MARF1: variants seen among roughly 807,000 people sequenced by gnomAD.
The protein encoded by MARF1 is meiosis regulator and mRNA stability factor 1.
In MARF1, 24 loss-of-function variants were observed where a neutral mutation model predicts 168.2. The ratio of observed to expected loss-of-function variants is 0.14; its 90% CI spans 0.10 to 0.20. The LOEUF is 0.20. Ranked by LOEUF, MARF1 falls within the 10% of genes least tolerant of loss-of-function variation. The probability of loss-of-function intolerance (pLI) is 1.00; values close to 1 mark genes in which losing one functional copy is unlikely to be tolerated. For missense variants in MARF1, 1,744 were observed against 2,143.6 expected (o/e 0.81, Z 3.68); for synonymous variants, 868 against 822.4 (o/e 1.06, Z -0.95).
intron 7 of MARF1, among the ~76,000 whole-genome samples, chr16:15,627,183 C>A (rs901722382): frequency 5.9e-5 from 9 of 151,298 alleles, no homozygotes; most frequent in African/African-American, 2.2e-4. Flanking sequence ...GAGACCCCAT[C>A]TCTATTAAAA....
intron 6 of MARF1, 118 bp downstream of exon 6, chr16:15,631,263 A>G: frequency 1.5e-6 from 1 of 657,308 alleles, no homozygotes. Flanking sequence ...AACCATAAAC[A>G]TGTCTCATGT....
chr16:15,615,485 C>T (rs979937942), intron 16 of MARF1, among the ~76,000 whole-genome samples: 1 of 151,934 alleles, frequency 6.6e-6, no homozygotes, highest in African/African-American at 2.4e-5. Flanking sequence ...ATTAGCTGGG[C>T]GTGGTGGCTG....
intron 15 of MARF1, 73 bp from the exon 16 acceptor site, chr16:15,616,078 AG>A: frequency 7.9e-7 from 1 of 1,268,786 alleles, no homozygotes; most frequent in Admixed American, 2.8e-5. Context: ...CTTGCTAAAC[AG>A]AAGGCTTTGG....
chr16:15,629,436 G>A (rs2035099236), intron 7 of MARF1, among the ~76,000 whole-genome samples: 1 of 152,212 alleles, frequency 6.6e-6, no homozygotes, highest in Admixed American at 6.5e-5. Context: ...GATACCCGGG[G>A]CCCACTCTCT....
intron 26 of MARF1, among the ~76,000 whole-genome samples, chr16:15,598,083 A>C (rs2031942196): frequency 6.6e-6 from 1 of 152,150 alleles, no homozygotes; most frequent in Non-Finnish European, 1.5e-5. Context: ...CAACAGATGA[A>C]GAGCAGGGAG....
intron 21 of MARF1, among the ~76,000 whole-genome samples, chr16:15,607,895 G>C (rs2033150376): frequency 1.3e-5 from 2 of 152,206 alleles, no homozygotes; most frequent in Non-Finnish European, 2.9e-5. Context: ...AGAATGTGGA[G>C]GGAGAGGACA....
At chr16:15,601,816 A>T (rs573532665) in intron 23 of MARF1, 175 bp downstream of exon 23, 2 of 638,620 alleles carry the variant, frequency 3.1e-6, no homozygotes, top group South Asian at 3.8e-5. Context: ...GTTTACAGAA[A>T]GAATCAAGGA....
chr16:15,633,507 C>T, intron 5 of MARF1, 110 bp downstream of exon 5: 1 of 804,984 alleles, frequency 1.2e-6, no homozygotes, highest in Non-Finnish European at 1.9e-6. Context: ...GAATGCGTCA[C>T]TGCACTCCAG....
chr16:15,643,070 C>T lies in MARF1; in HGVS notation c.-111G>A, dbSNP rs1649913061. Reference sequence around the variant, plus strand: ...CATTCCGGCCCCGCCGCCTTCCCCCCGCCCCCCCCAGGCCCTTTGTTTTGA... The same window carrying T: ...CATTCCGGCCCCGCCGCCTTCCCCCTGCCCCCCCCAGGCCCTTTGTTTTGA... On this transcript the variant is annotated 5_prime_UTR_variant, in exon 1 of 27. Transcript: ENST00000396368. The T allele has an allele frequency of 1.1e-5, 3 of 284,866 alleles. No homozygotes were observed. Among genetic ancestry groups the T allele is most frequent in the South Asian group, 2.7e-5 (1 of 37,014 alleles). 17.6% of individuals were successfully genotyped at this position (284,866 alleles called of 1,614,324 possible). A position where few individuals can be genotyped will look rare whatever the true frequency, so the allele number is the denominator to read the frequency against.
rs1199565101 is a variant in MARF1 at position 15,643,065 on chromosome 16, C to A, written c.-106G>T. 1 of 277,858 alleles carries A rather than the reference C, an allele frequency of 3.6e-6. No homozygotes were observed. Among genetic ancestry groups the A allele is most frequent in the Non-Finnish European group, 6.9e-6 (1 of 144,036 alleles). The allele number at this position is 277,858 out of a possible 1,614,324, so 17.2% of individuals were successfully genotyped here. On this transcript the variant is annotated 5_prime_UTR_variant, in exon 1 of 27. Coordinates refer to ENST00000396368, the MANE Select transcript of MARF1 (RefSeq NM_014647.4). ...GCTCACATTCCGGCCCCGCCGCCTT[C>A]CCCCCGCCCCCCCCAGGCCCTTTGT...
intron 25 of MARF1, among the ~76,000 whole-genome samples, chr16:15,600,170 A>C (rs1382491184): frequency 6.6e-6 from 1 of 152,156 alleles, no homozygotes; most frequent in Non-Finnish European, 1.5e-5. Flanking sequence ...TCAACATCTG[A>C]ACTGGGGTAA....
chr16:15,635,147 T>A, intron 3 of MARF1: 1 of 512,096 alleles, frequency 2.0e-6, no homozygotes, highest in East Asian at 3.0e-5. Context: ...AGAAAGATAT[T>A]CACGTGGTCA....
chr16:15,611,748 A>G lies in MARF1; in HGVS notation c.3475-14T>C, dbSNP rs7185421. 0.65 allele frequency: 1,046,868 copies of G among 1,611,782 alleles called. 343,474 individuals carry two copies. Among genetic ancestry groups the G allele is most frequent in the African/African-American group, 0.85 (63,354 of 74,924 alleles). ...CATTCCAAGAATCTGCAAAGCAAAT[A>G]GTTTATTTATACACATAAGACCTCA... On this transcript the variant is annotated splice_polypyrimidine_tract_variant and intron_variant, in intron 17 of 26. Transcript: ENST00000396368.
At chr16:15,620,818 T>G (rs764752038) in intron 12 of MARF1, among the ~76,000 whole-genome samples, 2 of 152,170 alleles carry the variant, frequency 1.3e-5, no homozygotes, top group Non-Finnish European at 2.9e-5. Context: ...CTTAAATATC[T>G]CCTGCCACAC....
chr16:15,603,094 G>A (rs1382399505), intron 22 of MARF1, among the ~76,000 whole-genome samples: 2 of 152,158 alleles, frequency 1.3e-5, no homozygotes, highest in African/African-American at 4.8e-5. Context: ...GTCCAGAACT[G>A]GTGTTCTTAG....
rs1206715145 is a variant in MARF1 at position 15,625,699 on chromosome 16, T to C, written c.1626A>G (p.Lys542=). 1.2e-6 allele frequency: 2 copies of C among 1,614,242 alleles called. No individual in the cohort carries two copies. Among genetic ancestry groups the C allele is most frequent in the Non-Finnish European group, 1.7e-6 (2 of 1,180,038 alleles). The stretch of plus-strand genomic sequence containing the variant: ...CACTGCAGCCTGTGATACTCAGCAC[T>C]TTCCCACCACAATTATCGGACAGGC... ...LRRLSDNCGG[K]VLSITGCSAI... Residue 542 remains lysine (K), a synonymous_variant, in exon 8 of 27, where the codon AAA becomes AAG. Transcript: ENST00000396368.
chr16:15,600,419 C>T lies in MARF1; in HGVS notation c.4813+9G>A, dbSNP rs1216211222. 3 of 1,614,132 alleles carry T rather than the reference C, an allele frequency of 1.9e-6. No homozygotes were observed. Among genetic ancestry groups the T allele is most frequent in the Non-Finnish European group, 2.5e-6 (3 of 1,180,036 alleles). On this transcript the variant is annotated intron_variant, in intron 25 of 26. Coordinates refer to ENST00000396368, the MANE Select transcript of MARF1 (RefSeq NM_014647.4). The stretch of plus-strand genomic sequence containing the variant: ...ACAAGCTCCTATGTCTCTGCTTTTC[C>T]TCTCTTACCACTGCCGTCAGCTCCA...
intron 1 of MARF1, among the ~76,000 whole-genome samples, 176 bp from the exon 2 acceptor site, chr16:15,639,467 C>G (rs2035808476): frequency 6.6e-6 from 1 of 152,198 alleles, no homozygotes; most frequent in Non-Finnish European, 1.5e-5. Context: ...GTGGTACGAT[C>G]TCAGCTCACT....
chr16:15,600,492 C>T lies in MARF1; in HGVS notation c.4749G>A (p.Glu1583=). 6.2e-7 allele frequency: 1 copy of T among 1,614,188 alleles called. No individual in the cohort carries two copies. The highest frequency in any genetic ancestry group is 1.1e-5 in the South Asian group (1 of 91,084). The part of the protein sequence containing the change: ...ANHENQPSEG[E]RILEVPESHT... ...GCGATTCGGGCACCTCCAGGATGCG[C>T]TCGCCCTCCGAGGGCTGGTTTTCAT... The change falls in exon 25 of 27, where the codon GAG becomes GAA. Residue 1583 remains glutamate (E), a synonymous_variant. Transcript: ENST00000396368.
Sources: gnomAD v4.1 joint callset for allele counts (sites outside exome capture counted in the v4.1 genomes callset) on GRCh38, gnomAD v4.1.1 for gene constraint, MANE v1.5 for transcripts, NCBI Gene and HGNC (gene_info 2026-07-23, HGNC 2026-07-21) for gene names.